Variants in ZNF208 observed in about 807,000 individuals in gnomAD.
The protein encoded by ZNF208 is zinc finger protein 208.
In ZNF208, 10 loss-of-function variants were observed where a neutral mutation model predicts 12.1. The observed-to-expected ratio is 0.83, with a 90% confidence interval of 0.51 to 1.40. The LOEUF (loss-of-function observed/expected upper bound fraction) is 1.40. ZNF208 is among the 40% of genes most tolerant of loss of function. ZNF208 has a pLI of 0.00. For missense variants in ZNF208, 1,652 were observed against 1,485.0 expected, an observed-to-expected ratio of 1.11 and a Z score of -1.85; for synonymous variants, 497 against 488.4, an observed-to-expected ratio of 1.02 and a Z score of -0.23.
chr19:21,983,650 TA>T (rs1970584085), intron 3 of ZNF208, among the ~76,000 whole-genome samples: 1 of 152,038 alleles, frequency 6.6e-6, no homozygotes, highest in Admixed American at 6.6e-5. Context: ...GGCACATATA[TA>T]CCATGGAATA....
In ZNF208 at chr19:21,970,861, G is replaced by A. The variant is rs780434292; in HGVS notation, c.*330C>T. The stretch of plus-strand genomic sequence containing the variant: ...TTGCCACTTTCTTCACATTTGTAGG[G>A]TTTCTCTCCAGTATGAATTTTCTAT... On this transcript the variant is annotated 3_prime_UTR_variant, in exon 4 of 4. Transcript: ENST00000397126. 1.3e-6 allele frequency: 2 copies of A among 1,509,004 alleles called. No homozygotes were observed. The highest frequency in any genetic ancestry group is 9.2e-7 in the Non-Finnish European group (1 of 1,086,894). The allele number at this position is 1,509,004 out of a possible 1,614,324, so 93.5% of individuals were successfully genotyped here.
chr19:22,003,435 C>T lies in ZNF208; in HGVS notation c.3+7357G>A, dbSNP rs1970989499. On this transcript the variant is annotated intron_variant, in intron 1 of 3. Transcript: ENST00000397126. ...AAATATTTGCAAACTATGCTTCTGA[C>T]AAAGGTCTACTATCTAGAATCCATA... Among the ~76,000 whole-genome samples the T allele has an allele frequency of 2.7e-5, 4 of 148,970 alleles. No individual in the cohort carries two copies. The South Asian group carries it at 8.4e-4, about 31-fold the overall frequency.
chr19:21,993,396 C>T (rs747810517), intron 1 of ZNF208, among the ~76,000 whole-genome samples: 1 of 152,062 alleles, frequency 6.6e-6, no homozygotes, highest in Non-Finnish European at 1.5e-5. Flanking sequence ...ACATGAGCCA[C>T]TTAATTAAAA....
At position 21,970,836 on chromosome 19, in the gene ZNF208, T is replaced by C. The variant is rs1212471246; in HGVS notation, c.*355A>G. On this transcript the variant is annotated 3_prime_UTR_variant, in exon 4 of 4. Transcript: ENST00000397126. ...AAAGACTGAGAACCAGCTGAAGGCT[T>C]TGCCACTTTCTTCACATTTGTAGGG... 7 of 1,491,928 alleles carry C rather than the reference T, an allele frequency of 4.7e-6. No individual in the cohort carries two copies. In the African/African-American group the frequency reaches 6.9e-5, roughly 15 times the overall value. 92.4% of individuals were successfully genotyped at this position (1,491,928 alleles called of 1,614,324 possible).
Position 21,987,314 on chromosome 19 carries a change from G to C in ZNF208, c.131-3C>G. 1 of 1,601,574 alleles carries C rather than the reference G, an allele frequency of 6.2e-7. No homozygotes were observed. The highest frequency in any genetic ancestry group is 1.7e-5 in the Admixed American group (1 of 57,896). ...GTCTGGCTTAAAGGCAGCAATACCT[G>C]TTTTATTAAAAATGAACAACATGCT... is the stretch of plus-strand genomic sequence containing the variant. On this transcript the variant is annotated splice_region_variant and splice_polypyrimidine_tract_variant and intron_variant, in intron 2 of 3. Coordinates refer to ENST00000397126, the MANE Select transcript of ZNF208 (RefSeq NM_007153.3).
intron 1 of ZNF208, among the ~76,000 whole-genome samples, chr19:21,990,760 T>C (rs1236551459): frequency 6.6e-6 from 1 of 152,164 alleles, no homozygotes; most frequent in Non-Finnish European, 1.5e-5. Context: ...CTTCCATTTG[T>C]TTGTATCCTC....
rs752390216 is a variant in ZNF208 at position 21,974,688 on chromosome 19, C to G, written c.346G>C (p.Gly116Arg). 1 of 1,613,532 alleles carries G rather than the reference C, an allele frequency of 6.2e-7. No individual in the cohort carries two copies. Among genetic ancestry groups the G allele is most frequent in the South Asian group, 1.1e-5 (1 of 91,038 alleles). Residue 116 changes from glycine to arginine, a missense_variant, in exon 4 of 4, where the codon GGT (glycine) becomes CGT (arginine). Gly to Arg is a moderately radical substitution (Grantham distance 125). This residue lies in a region of ZNF208 where 410 missense variants were observed against 378.2 expected (regional missense o/e 1.08). Transcript: ENST00000397126. ...TTACACTCATCCACATTGGTATAAC[C>G]AATTTTTAAGTGTAAATTCTCATGT... is the stretch of plus-strand genomic sequence containing the variant. The part of the protein sequence containing the change: ...CGHENLHLKI[G>R]YTNVDECKVH...
chr19:22,001,315 A>G (rs1392515040), intron 1 of ZNF208, among the ~76,000 whole-genome samples: 5 of 151,958 alleles, frequency 3.3e-5, no homozygotes, highest in Non-Finnish European at 5.9e-5. Context: ...ACAAAAAATC[A>G]AAGCCCTAAA....
intron 1 of ZNF208, among the ~76,000 whole-genome samples, chr19:21,994,127 G>A (rs1427204782): frequency 6.6e-6 from 1 of 152,074 alleles, no homozygotes; most frequent in African/African-American, 2.4e-5. Context: ...AGATGAAAGG[G>A]ATACAGATGG....
At chr19:22,001,117 C>A (rs1174743143) in intron 1 of ZNF208, among the ~76,000 whole-genome samples, 1 of 152,072 alleles carries the variant, frequency 6.6e-6, no homozygotes, top group African/African-American at 2.4e-5. Context: ...GAAACCCCGT[C>A]ACTACTAAAA....
At position 22,010,913 on chromosome 19, in the gene ZNF208, C is replaced by A; in HGVS notation, c.-119G>T. On this transcript the variant is annotated 5_prime_UTR_variant, in exon 1 of 4. The change creates a new upstream start codon in the 5' untranslated region. Transcript: ENST00000397126. ...GGACACACAGCAGTAAGGACGAGAC[C>A]TTGACCTCCGGCTGCAGCGAGAGAC... The A allele has an allele frequency of 6.9e-7, 1 of 1,456,774 alleles. No individual in the cohort carries two copies. The highest frequency in any genetic ancestry group is 1.7e-5 in the Admixed American group (1 of 58,138). 90.2% of individuals were successfully genotyped at this position (1,456,774 alleles called of 1,614,324 possible). A position where few individuals can be genotyped will look rare whatever the true frequency, so the allele number is the denominator to read the frequency against.
In ZNF208 at chr19:21,959,588, T is replaced by C. The variant is rs555385265; in HGVS notation, c.305+15141A>G. Among the ~76,000 whole-genome samples the C allele has an allele frequency of 8.5e-5, 13 of 152,252 alleles. No homozygotes were observed. The East Asian group carries it at 1.9e-3, about 23-fold the overall frequency. On this transcript the variant is annotated intron_variant, in intron 4 of 4. Coordinates refer to the ZNF208 transcript ENST00000599916. The stretch of plus-strand genomic sequence containing the variant: ...AATGATCCCTTTGTTTTTCAGGCAG[T>C]AAAAATGCCTTTGAGGGGGGAAAAT...
At chr19:22,008,302 CA>C (rs71180503) in intron 1 of ZNF208, among the ~76,000 whole-genome samples, 1,051 of 98,820 alleles carry the variant, frequency 0.011, 10 homozygotes, top group African/African-American at 0.036. Context: ...GACTCTATCT[CA>C]AAAAAAAAAA....
Position 21,972,867 on chromosome 19 carries a change from A to C in ZNF208, c.2167T>G (p.Cys723Gly), listed in dbSNP as rs775186323. ...CTAAAGCTTTTGCCACATTCTTCAC[A>C]TTTGTAGGGTTTCTCTCCAGTATGA... ...RIHTGEKPYK[C>G]EECGKSFSTF... The change falls in exon 4 of 4, where the codon TGT becomes GGT. Residue 723 changes from cysteine to glycine, a missense_variant. Physicochemically the swap from Cys to Gly is radical, Grantham distance 159. Coordinates refer to ENST00000397126, the MANE Select transcript of ZNF208 (RefSeq NM_007153.3). The C allele has an allele frequency of 5.0e-6, 8 of 1,613,106 alleles. No homozygotes were observed. Among genetic ancestry groups the C allele is most frequent in the Non-Finnish European group, 6.8e-6 (8 of 1,179,878 alleles).
At chr19:21,953,416 G>A (rs915459815) in intron 4 of ZNF208, among the ~76,000 whole-genome samples, 1 of 138,848 alleles carries the variant, frequency 7.2e-6, no homozygotes, top group South Asian at 2.2e-4. Context: ...AGCCAGAAAG[G>A]TCAGGTTACC....
At position 21,974,287 on chromosome 19, in the gene ZNF208, T is replaced by C; in HGVS notation, c.747A>G (p.Val249=). Residue 249 remains valine, a synonymous_variant, in exon 4 of 4, where the codon GTA becomes GTG. Coordinates refer to ENST00000397126, the MANE Select transcript of ZNF208 (RefSeq NM_007153.3). Reference sequence around the variant, plus strand: ...TGTAGGATTTCTCTCCAGTATGAATTACCTTATGTTTAGTAAGGATTGAGA... The same window carrying C: ...TGTAGGATTTCTCTCCAGTATGAATCACCTTATGTTTAGTAAGGATTGAGA... The part of the protein sequence containing the change: ...SKFSILTKHK[V]IHTGEKSYKC... The C allele has an allele frequency of 6.2e-7, 1 of 1,613,510 alleles. No individual in the cohort carries two copies. The highest frequency in any genetic ancestry group is 1.3e-5 in the African/African-American group (1 of 75,018).
At chr19:21,957,633 A>T (rs1969997432) in intron 4 of ZNF208, among the ~76,000 whole-genome samples, 1 of 152,180 alleles carries the variant, frequency 6.6e-6, no homozygotes, top group African/African-American at 2.4e-5. Context: ...GTACAAATCC[A>T]TGGCTTGGCC....
At chr19:21,949,107 C>G (rs1437134096) in intron 4 of ZNF208, among the ~76,000 whole-genome samples, 1 of 152,192 alleles carries the variant, frequency 6.6e-6, no homozygotes, top group Non-Finnish European at 1.5e-5. Flanking sequence ...AAACAAACCT[C>G]CCTGTGTTCT....
At chr19:21,963,890 A>C (rs1599607953), downstream of ZNF208, among the ~76,000 whole-genome samples, 1 of 152,064 alleles carries the variant, frequency 6.6e-6, no homozygotes. Flanking sequence ...AAGAGTAAAA[A>C]ATTTCAAATA....
Sources: allele counts gnomAD v4.1 joint callset (sites outside exome capture counted in the v4.1 genomes callset), GRCh38; gene constraint gnomAD v4.1.1; regional missense constraint gnomAD v4.1.1; transcripts MANE v1.5; gene names NCBI Gene and HGNC (gene_info 2026-07-23, HGNC 2026-07-21).